Variants in ELMO1 observed in about 807,000 individuals in gnomAD.
ELMO1 encodes the protein engulfment and cell motility 1.
A neutral mutation model predicts 98.9 loss-of-function variants in ELMO1; 26 were observed. The ratio of observed to expected loss-of-function variants is 0.26; its 90% CI spans 0.19 to 0.36. The LOEUF is 0.36. Among genes scored for constraint, ELMO1 ranks in the 10% least tolerant of loss-of-function variants. ELMO1 has a pLI of 1.00. For missense variants in ELMO1, 627 were observed against 935.2 expected (o/e 0.67, Z 4.30); for synonymous variants, 346 against 346.0 (o/e 1.00, Z 0.00).
chr7:36,860,476 C>G (rs1447730806), intron 21 of ELMO1, among the ~76,000 whole-genome samples: 1 of 152,208 alleles, frequency 6.6e-6, no homozygotes, highest in East Asian at 1.9e-4. Context: ...GCATTTTTCT[C>G]TTCATTGTAT....
At chr7:36,893,973 G>T (rs199714399) in intron 17 of ELMO1, among the ~76,000 whole-genome samples, 5,198 of 152,224 alleles carry the variant, frequency 0.034, 238 homozygotes, top group East Asian at 0.21. Context: ...ACTGCCTTCA[G>T]AATTAAAACT....
chr7:36,957,751 A>G (rs1788588787), intron 16 of ELMO1, among the ~76,000 whole-genome samples: 1 of 152,200 alleles, frequency 6.6e-6, no homozygotes, highest in African/African-American at 2.4e-5. Flanking sequence ...GTAAACAACA[A>G]GGAAGATGCC....
intron 13 of ELMO1, among the ~76,000 whole-genome samples, chr7:37,169,639 C>T (rs1424375386): frequency 6.6e-6 from 1 of 152,184 alleles, no homozygotes; most frequent in South Asian, 2.1e-4. Context: ...AAATTTCAAG[C>T]TTTTGCTTTT....
At chr7:37,295,014 A>T (rs79210285) in intron 4 of ELMO1, among the ~76,000 whole-genome samples, 2 of 149,934 alleles carry the variant, frequency 1.3e-5, no homozygotes, top group Non-Finnish European at 3.0e-5. Context: ...AAAAAAAAAA[A>T]TTCATCTCAA....
chr7:37,182,511 C>T (rs1295153121), intron 13 of ELMO1, among the ~76,000 whole-genome samples: 2 of 139,516 alleles, frequency 1.4e-5, no homozygotes, highest in African/African-American at 5.4e-5. Context: ...CGCTTGGTTG[C>T]CCACGCTGGA....
chr7:36,923,262 T>C (rs60413164), intron 16 of ELMO1, among the ~76,000 whole-genome samples: 1,939 of 152,332 alleles, frequency 0.013, 52 homozygotes, highest in African/African-American at 0.045. Context: ...ATAGAACTAA[T>C]GGGTTTGTTA....
At chr7:37,279,263 A>G (rs369423156) in intron 4 of ELMO1, among the ~76,000 whole-genome samples, 1 of 152,154 alleles carries the variant, frequency 6.6e-6, no homozygotes, top group African/African-American at 2.4e-5. Flanking sequence ...TCACCAGGGC[A>G]TTTCAACTCA....
intron 13 of ELMO1, among the ~76,000 whole-genome samples, chr7:37,137,013 C>T (rs1787307104): frequency 6.6e-6 from 1 of 152,082 alleles, no homozygotes; most frequent in Admixed American, 6.5e-5. Context: ...TTTCTGCTGC[C>T]TTCAAGAGAC....
chr7:37,444,217 C>A (rs1387811743), intron 1 of ELMO1, among the ~76,000 whole-genome samples: 1 of 152,154 alleles, frequency 6.6e-6, no homozygotes, highest in Non-Finnish European at 1.5e-5. Flanking sequence ...TGGCTGCCTC[C>A]AGAAGAGATT....
Position 36,870,552 on chromosome 7 carries a change from A to C in ELMO1, c.1823-77T>G. 7.2e-7 allele frequency: 1 copy of C among 1,393,338 alleles called. No individual in the cohort carries two copies. Among genetic ancestry groups the C allele is most frequent in the Non-Finnish European group, 1.0e-6 (1 of 1,002,580 alleles). The allele number at this position is 1,393,338 out of a possible 1,614,324, so 86.3% of individuals were successfully genotyped here. Reference sequence around the variant, plus strand: ...TGTCAATAAAGAAACAGGACTAAGCACTGGGTCCGCTACTGTGGTTACCAT... The same window carrying C: ...TGTCAATAAAGAAACAGGACTAAGCCCTGGGTCCGCTACTGTGGTTACCAT... On this transcript the variant is annotated intron_variant, in intron 19 of 21. Coordinates refer to ENST00000310758, the MANE Select transcript of ELMO1 (RefSeq NM_014800.11). The surrounding 1 kb of genome is among the most constrained non-coding windows in gnomAD (Gnocchi z 4.4).
At chr7:36,950,146 T>C (rs1339531355) in intron 16 of ELMO1, among the ~76,000 whole-genome samples, 3 of 152,170 alleles carry the variant, frequency 2.0e-5, no homozygotes, top group South Asian at 2.1e-4. Context: ...CAAGAAACAA[T>C]GTACTATGCA....
intron 16 of ELMO1, among the ~76,000 whole-genome samples, chr7:36,988,063 T>C (rs898530942): frequency 1.3e-5 from 2 of 152,200 alleles, no homozygotes; most frequent in Admixed American, 1.3e-4. Flanking sequence ...TGGCCGCCCA[T>C]TGGTCTTGAT....
At chr7:36,880,458 C>A (rs1804360131) in intron 18 of ELMO1, among the ~76,000 whole-genome samples, 1 of 152,200 alleles carries the variant, frequency 6.6e-6, no homozygotes, top group Admixed American at 6.5e-5. Flanking sequence ...ACTTAATATT[C>A]ATGTGTAAGA....
At chr7:37,415,252 T>C (rs1804163473) in intron 1 of ELMO1, among the ~76,000 whole-genome samples, 1 of 152,250 alleles carries the variant, frequency 6.6e-6, no homozygotes, top group Admixed American at 6.5e-5. Context: ...CTGAACAAAA[T>C]AGATTGAGCA....
chr7:36,903,856 C>G (rs138396358), intron 16 of ELMO1, among the ~76,000 whole-genome samples: 1 of 152,346 alleles, frequency 6.6e-6, no homozygotes, highest in Non-Finnish European at 1.5e-5. Flanking sequence ...GCTTGATCTT[C>G]AACTGCTCCC....
intron 13 of ELMO1, among the ~76,000 whole-genome samples, chr7:37,169,811 T>C (rs1437111688): frequency 1.3e-5 from 2 of 152,218 alleles, no homozygotes; most frequent in African/African-American, 4.8e-5. Context: ...CATTTTGGCT[T>C]ACGAGCACAG....
At chr7:36,947,558 G>T (rs1297459121) in intron 16 of ELMO1, among the ~76,000 whole-genome samples, 1 of 152,062 alleles carries the variant, frequency 6.6e-6, no homozygotes, top group Non-Finnish European at 1.5e-5. Flanking sequence ...TCAGGCGTTG[G>T]CCTCCTAATC....
chr7:37,116,212 G>A (rs1279240232), intron 14 of ELMO1, among the ~76,000 whole-genome samples: 1 of 152,186 alleles, frequency 6.6e-6, no homozygotes, highest in Non-Finnish European at 1.5e-5. Flanking sequence ...GCAGAAAAGG[G>A]AGAAGAAATA....
chr7:37,112,249 T>C (rs1392479940), intron 14 of ELMO1, among the ~76,000 whole-genome samples: 1 of 152,050 alleles, frequency 6.6e-6, no homozygotes, highest in Admixed American at 6.5e-5. Flanking sequence ...AATAATCAAA[T>C]AGTAAAACAT....
Sources: allele counts gnomAD v4.1 joint callset (sites outside exome capture counted in the v4.1 genomes callset), GRCh38; gene constraint gnomAD v4.1.1; non-coding constraint Gnocchi (gnomAD v3.1); transcripts MANE v1.5; gene names NCBI Gene and HGNC (gene_info 2026-07-23, HGNC 2026-07-21).